Variants in TSR1 observed in about 807,000 individuals in gnomAD.
TSR1 encodes the protein pre-rRNA-processing protein TSR1 homolog.
In TSR1, 81 loss-of-function variants were observed where a neutral mutation model predicts 90.9. That is an observed-to-expected ratio of 0.89 (90% CI 0.74 to 1.07). The LOEUF is 1.07. Ranked by LOEUF, TSR1 falls within the 50% of genes least tolerant of loss-of-function variation. The pLI, the probability that TSR1 is intolerant of heterozygous loss-of-function variation, is 0.00. For missense variants in TSR1, 989 were observed against 987.3 expected, an observed-to-expected ratio of 1.00 and a Z score of -0.02; for synonymous variants, 362 against 348.8, an observed-to-expected ratio of 1.04 and a Z score of -0.42.
At chr17:2,335,927 G>A (rs1254325721) in intron 2 of TSR1, 110 bp downstream of exon 2, 6 of 1,306,336 alleles carry the variant, frequency 4.6e-6, no homozygotes, top group Non-Finnish European at 6.5e-6. Flanking sequence ...ACGTGCTCTA[G>A]GGCTATGCTC....
chr17:2,335,656 G>A lies in TSR1; in HGVS notation c.276C>T (p.Ser92=), dbSNP rs374605698. 8 of 1,614,114 alleles carry A rather than the reference G, an allele frequency of 5.0e-6. No individual in the cohort carries two copies. The African/African-American group carries it at 9.3e-5, about 19-fold the overall frequency. ...GCATGGCCTCTGGCAGGGAAATTCT[G>A]CTGTGCAGGGGCACCACCAGTACCT... ...PHQVLVVPLH[S]RISLPEAMQL... Residue 92 remains serine (S), a synonymous_variant, in exon 3 of 15, where the codon AGC becomes AGT. Transcript: ENST00000301364.
intron 10 of TSR1, 50 bp from the exon 11 acceptor site, chr17:2,329,525 T>C (rs1029783384): frequency 6.2e-7 from 1 of 1,601,468 alleles, no homozygotes; most frequent in Non-Finnish European, 8.5e-7. Flanking sequence ...AGGAATACAA[T>C]TGCCTAAACT....
At position 2,325,364 on chromosome 17, in the gene TSR1, C is replaced by T. The variant is rs768549443; in HGVS notation, c.1960G>A (p.Val654Ile). The change falls in exon 12 of 15, where the codon GTC (valine) becomes ATC (isoleucine). Residue 654 changes from valine (V) to isoleucine (I), a missense_variant. Val to Ile is a conservative substitution (Grantham distance 29). Transcript: ENST00000301364. ...GGAGGAAAAGTGATTGGCGCATAGA[C>T]TGTCGCCACCAGGGCCATGTCAGCA... The part of the protein sequence containing the change: ...LTADMALVAT[V>I]YAPITFPPAS... 1 of 1,613,722 alleles carries T rather than the reference C, an allele frequency of 6.2e-7. No homozygotes were observed. The highest frequency in any genetic ancestry group is 8.5e-7 in the Non-Finnish European group (1 of 1,179,962).
intron 5 of TSR1, 112 bp downstream of exon 5, chr17:2,334,357 ACTT>A: frequency 1.8e-6 from 2 of 1,104,006 alleles, no homozygotes; most frequent in Non-Finnish European, 2.6e-6. Context: ...CTATTGCCTT[ACTT>A]CAGACTAGCA....
Position 2,323,294 on chromosome 17 carries a change from T to G in TSR1, c.*902A>C. 6.2e-7 allele frequency: 1 copy of G among 1,614,120 alleles called. No individual in the cohort carries two copies. The highest frequency in any genetic ancestry group is 8.5e-7 in the Non-Finnish European group (1 of 1,179,978). On this transcript the variant is annotated 3_prime_UTR_variant, in exon 15 of 15. Transcript: ENST00000301364. ...GCATTGGCTTGAACACCTGGCCTATTATCAGGGACCTTGTGGATGATATCT... is the reference window on the plus strand; with the variant it reads ...GCATTGGCTTGAACACCTGGCCTATGATCAGGGACCTTGTGGATGATATCT...
intron 4 of TSR1, 22 bp downstream of exon 4, chr17:2,335,238 C>G (rs1431703087): frequency 1.9e-6 from 3 of 1,611,026 alleles, no homozygotes; most frequent in African/African-American, 1.3e-5. Flanking sequence ...TAAAGGTGCA[C>G]AATAAATGCT....
chr17:2,333,794 G>A lies in TSR1; in HGVS notation c.982-78C>T, dbSNP rs531672404. ...CTAACACAGTAACCAGAAAGACCCA[G>A]AAATATCAGTCCTCATGTATAAGAT... On this transcript the variant is annotated intron_variant, in intron 5 of 14. Transcript: ENST00000301364. 1.5e-5 allele frequency: 24 copies of A among 1,562,278 alleles called. No homozygotes were observed. The Admixed American group carries it at 1.9e-4, about 12-fold the overall frequency.
At chr17:2,331,186 G>C in intron 8 of TSR1, 77 bp from the exon 9 acceptor site, 1 of 1,242,748 alleles carries the variant, frequency 8.0e-7, no homozygotes. Flanking sequence ...CTGCTAAAAT[G>C]GCTAAGGAGC....
chr17:2,324,621 C>A (rs764702971), intron 13 of TSR1, 43 bp from the exon 14 acceptor site: 1 of 1,613,968 alleles, frequency 6.2e-7, no homozygotes, highest in Non-Finnish European at 8.5e-7. Context: ...AACATTTACC[C>A]ACAAAATGTA....
At position 2,332,838 on chromosome 17, in the gene TSR1, T is replaced by C. The variant is rs2064016478; in HGVS notation, c.1305+123A>G. On this transcript the variant is annotated intron_variant, in intron 7 of 14. Transcript: ENST00000301364. ...AGCAACAGAGCAAGACTCCGTCTCA[T>C]AAAAAAAAAATAAAAAAAATAAAAA... The C allele has an allele frequency of 4.6e-6, 4 of 875,186 alleles. No individual in the cohort carries two copies. In the South Asian group the frequency reaches 6.9e-5, roughly 15 times the overall value. The allele number at this position is 875,186 out of a possible 1,614,324, so 54.2% of individuals were successfully genotyped here.
rs2075555983 is a variant in TSR1, at chr17:2,323,836, C to T, written c.*360G>A. 3 of 1,614,156 alleles carry T rather than the reference C, an allele frequency of 1.9e-6. No homozygotes were observed. Among genetic ancestry groups the T allele is most frequent in the East Asian group, 4.5e-5 (2 of 44,884 alleles). On this transcript the variant is annotated 3_prime_UTR_variant, in exon 15 of 15. Coordinates refer to ENST00000301364, the MANE Select transcript of TSR1 (RefSeq NM_018128.5). ...TCCTCCATAACTTGGGTGAAGCAGG[C>T]TGAAAGGCCAGCTTCTTATCAGTCT...
intron 8 of TSR1, 104 bp from the exon 9 acceptor site, chr17:2,331,213 C>CA: frequency 1.1e-6 from 1 of 935,548 alleles, no homozygotes; most frequent in Non-Finnish European, 1.5e-6. Flanking sequence ...AAAAGAACTC[C>CA]AATCATCCTC....
In TSR1 at chr17:2,323,216, A is replaced by G; in HGVS notation, c.*980T>C. On this transcript the variant is annotated 3_prime_UTR_variant, in exon 15 of 15. Transcript: ENST00000301364. ...GCTACCAGTCCAAGCTGAAGGGGAA[A>G]CTGATGCCCAATCTTTATCCTCCAG... The G allele has an allele frequency of 6.2e-7, 1 of 1,614,212 alleles. No homozygotes were observed. The highest frequency in any genetic ancestry group is 8.5e-7 in the Non-Finnish European group (1 of 1,180,034).
chr17:2,330,676 A>G (rs752347583), intron 9 of TSR1, 51 bp from the exon 10 acceptor site: 113 of 1,560,424 alleles, frequency 7.2e-5, no homozygotes, highest in Middle Eastern at 3.4e-4. Context: ...CAAAGTCCCA[A>G]TAGCGAGGAA....
At chr17:2,331,577 C>T (rs2064003524) in intron 8 of TSR1, among the ~76,000 whole-genome samples, 1 of 152,156 alleles carries the variant, frequency 6.6e-6, no homozygotes, top group African/African-American at 2.4e-5. Context: ...TCCCCCTCCA[C>T]CTTCTGCCAT....
At chr17:2,332,633 G>A (rs2064014724) in intron 7 of TSR1, among the ~76,000 whole-genome samples, 1 of 152,106 alleles carries the variant, frequency 6.6e-6, no homozygotes, top group Non-Finnish European at 1.5e-5. Context: ...TCAGGAGATT[G>A]AGACCATCCT....
Position 2,326,747 on chromosome 17 carries a change from T to C in TSR1, c.1904-1327A>G, listed in dbSNP as rs577144122. Among the ~76,000 whole-genome samples, 3 of 152,242 alleles carry C rather than the reference T, an allele frequency of 2.0e-5. No individual in the cohort carries two copies. In the South Asian group the frequency reaches 6.2e-4, roughly 32 times the overall value. On this transcript the variant is annotated intron_variant, in intron 11 of 14. Transcript: ENST00000301364. ...GGCCCACTGGCTCAGGCAATCCCTC[T>C]TGCCTCAGCCTCCCAAGTAGCTGGG...
In TSR1 at chr17:2,322,675, T is replaced by C. The variant is rs2075541402; in HGVS notation, c.*1521A>G. ...GCCACCATGCCTGGCTAGTTTTTTTTTGTTTTTTTTTTTTGTATTTTTAGT... is the reference window on the plus strand; with the variant it reads ...GCCACCATGCCTGGCTAGTTTTTTTCTGTTTTTTTTTTTTGTATTTTTAGT... On this transcript the variant is annotated 3_prime_UTR_variant, in exon 15 of 15. Transcript: ENST00000301364. 1.1e-5 allele frequency: 1 copy of C among 94,208 alleles called. No homozygotes were observed. The allele number at this position is 94,208 out of a possible 1,614,324, so 5.8% of individuals were successfully genotyped here. A position where few individuals can be genotyped will look rare whatever the true frequency, so the allele number is the denominator to read the frequency against.
chr17:2,335,644 C>G lies in TSR1; in HGVS notation c.288G>C (p.Leu96=), dbSNP rs2064057741. ...LVVPLHSRIS[L]PEAMQLLQDR... is the part of the protein sequence containing the mutation. ...CTTGAAGCAGCTGCATGGCCTCTGG[C>G]AGGGAAATTCTGCTGTGCAGGGGCA... Residue 96 remains leucine (L), a synonymous_variant, in exon 3 of 15, where the codon CTG becomes CTC. Coordinates refer to ENST00000301364, the MANE Select transcript of TSR1 (RefSeq NM_018128.5). 5.6e-6 allele frequency: 9 copies of G among 1,614,142 alleles called. No homozygotes were observed. Among genetic ancestry groups the G allele is most frequent in the Non-Finnish European group, 6.8e-6 (8 of 1,180,024 alleles).
Sources: gnomAD v4.1 joint callset for allele counts (sites outside exome capture counted in the v4.1 genomes callset) on GRCh38, gnomAD v4.1.1 for gene constraint, MANE v1.5 for transcripts, NCBI Gene and HGNC (gene_info 2026-07-23, HGNC 2026-07-21) for gene names.